SNTG1: variants seen among roughly 807,000 people sequenced by gnomAD.
SNTG1 encodes syntrophin gamma 1.
A neutral mutation model predicts 74.7 loss-of-function variants in SNTG1; 39 were observed. The observed-to-expected ratio is 0.52, with a 90% CI of 0.40 to 0.68. The LOEUF (loss-of-function observed/expected upper bound fraction) is 0.68, where lower values mean the gene tolerates loss of function less well. Among genes scored for constraint, SNTG1 ranks in the 30% least tolerant of loss-of-function variants. The pLI, the probability that SNTG1 is intolerant of heterozygous loss-of-function variation, is 0.00. For missense variants in SNTG1, 685 were observed against 609.5 expected, an observed-to-expected ratio of 1.12 and a Z score of -1.30; for synonymous variants, 254 against 217.1, an observed-to-expected ratio of 1.17 and a Z score of -1.49.
chr8:50,709,099 G>C (rs191836419), intron 17 of SNTG1, 121 bp downstream of exon 17: 2 of 761,758 alleles, frequency 2.6e-6, no homozygotes, highest in South Asian at 1.8e-5. Context: ...TAAGATCTTC[G>C]TTTTTGTTAA....
At chr8:49,923,356 A>G (rs1806726304) in intron 1 of SNTG1, among the ~76,000 whole-genome samples, 1 of 152,188 alleles carries the variant, frequency 6.6e-6, no homozygotes, top group African/African-American at 2.4e-5. Context: ...TAGGCCTAAT[A>G]GTAGAATAAT....
In SNTG1 at chr8:50,792,856, C is replaced by G; in HGVS notation, c.*27C>G. On this transcript the variant is annotated 3_prime_UTR_variant, in exon 19 of 19. Coordinates refer to ENST00000642720, the MANE Select transcript of SNTG1 (RefSeq NM_018967.5). ...ATACTGAACTCTTCATTGACACACC[C>G]CATGACTGTATAAGCAGGACACATT... The G allele has an allele frequency of 1.9e-6, 3 of 1,596,412 alleles. No individual in the cohort carries two copies. Among genetic ancestry groups the G allele is most frequent in the Non-Finnish European group, 2.6e-6 (3 of 1,170,758 alleles).
At chr8:50,303,891 T>A (rs937385298) in intron 2 of SNTG1, among the ~76,000 whole-genome samples, 2 of 152,116 alleles carry the variant, frequency 1.3e-5, no homozygotes, top group African/African-American at 4.8e-5. Flanking sequence ...TAAAAAAGAA[T>A]CATATTGAAT....
chr8:50,068,351 T>C (rs547313903), intron 1 of SNTG1, among the ~76,000 whole-genome samples: 1 of 152,290 alleles, frequency 6.6e-6, no homozygotes, highest in Admixed American at 6.5e-5. Flanking sequence ...GACTTGTACT[T>C]TCTTCTCTTC....
rs569281962 is a variant in SNTG1 at position 50,700,079 on chromosome 8, A to G, written c.1039-4521A>G. ...CTAGAACTTTTGTTCTTATCACCTT[A>G]TAACAGCTCCTGCATGTGTGTTAGA... On this transcript the variant is annotated intron_variant, in intron 15 of 18. Transcript: ENST00000642720. 2.6e-5 allele frequency among the ~76,000 whole-genome samples: 4 copies of G among 152,280 alleles called. No individual in the cohort carries two copies. In the South Asian group the frequency reaches 6.2e-4, roughly 24 times the overall value.
intron 11 of SNTG1, among the ~76,000 whole-genome samples, chr8:50,552,516 C>G (rs1176352019): frequency 6.6e-6 from 1 of 152,072 alleles, no homozygotes; most frequent in African/African-American, 2.4e-5. Context: ...CCTCTTGTTC[C>G]AAATCATCTT....
At chr8:50,266,063 T>TG (rs2087449666) in intron 2 of SNTG1, among the ~76,000 whole-genome samples, 1 of 151,844 alleles carries the variant, frequency 6.6e-6, no homozygotes, top group South Asian at 2.1e-4. Flanking sequence ...AGCTTTTTTT[T>TG]TTTGCAGGAA....
chr8:50,360,143 A>C (rs965908673), intron 2 of SNTG1, among the ~76,000 whole-genome samples: 1 of 152,096 alleles, frequency 6.6e-6, no homozygotes, highest in Non-Finnish European at 1.5e-5. Flanking sequence ...ATAGATCATC[A>C]TCACTACAAA....
intron 2 of SNTG1, among the ~76,000 whole-genome samples, chr8:50,178,560 T>A (rs1258651471): frequency 3.3e-5 from 5 of 152,178 alleles, no homozygotes; most frequent in Admixed American, 2.0e-4. Context: ...TGAAGCCTCT[T>A]CCTCAGGTCC....
chr8:50,138,346 G>A (rs1387163033), intron 1 of SNTG1, among the ~76,000 whole-genome samples: 2 of 152,140 alleles, frequency 1.3e-5, no homozygotes, highest in East Asian at 3.9e-4. Flanking sequence ...GCTGGACGTG[G>A]TGGCTCACAC....
At chr8:50,408,233 G>A (rs1195188337) in intron 4 of SNTG1, among the ~76,000 whole-genome samples, 2 of 152,018 alleles carry the variant, frequency 1.3e-5, no homozygotes, top group Non-Finnish European at 2.9e-5. Context: ...TTAACTTTGG[G>A]AAGCGACTAT....
rs181376576 is a variant in SNTG1 at position 50,583,054 on chromosome 8, A to G, written c.811-7825A>G. Among the ~76,000 whole-genome samples, 123 of 152,226 alleles carry G rather than the reference A, an allele frequency of 8.1e-4. 2 individuals carry two copies. In the East Asian group the frequency reaches 0.019, roughly 23 times the overall value. ...AAAATAAGAACTTAACACTACTTAG[A>G]TTTTGTTTCCTTTGTGTAGGTCACA... On this transcript the variant is annotated intron_variant, in intron 12 of 18. Transcript: ENST00000642720.
At chr8:50,089,896 C>G (rs578214197) in intron 1 of SNTG1, among the ~76,000 whole-genome samples, 2 of 152,174 alleles carry the variant, frequency 1.3e-5, no homozygotes, top group African/African-American at 4.8e-5. Context: ...ACCCAGCCAT[C>G]CCATTACTGG....
intron 15 of SNTG1, among the ~76,000 whole-genome samples, chr8:50,663,284 A>C (rs757909059): frequency 6.6e-6 from 1 of 152,140 alleles, no homozygotes; most frequent in Non-Finnish European, 1.5e-5. Context: ...GGCCTTAATA[A>C]AGCACATGAA....
chr8:50,140,976 G>A (rs903884115), intron 1 of SNTG1, among the ~76,000 whole-genome samples: 6 of 152,032 alleles, frequency 3.9e-5, no homozygotes, highest in Admixed American at 3.3e-4. Flanking sequence ...CCAAAGCAAC[G>A]GCTTTAACAT....
chr8:50,781,667 G>T (rs1031943801), intron 18 of SNTG1, among the ~76,000 whole-genome samples: 1 of 152,124 alleles, frequency 6.6e-6, no homozygotes, highest in Non-Finnish European at 1.5e-5. Context: ...CAATTTGCCA[G>T]TCTGTGTCTT....
chr8:50,512,808 G>A (rs1426369483), intron 9 of SNTG1, among the ~76,000 whole-genome samples: 1 of 152,018 alleles, frequency 6.6e-6, no homozygotes, highest in East Asian at 1.9e-4. Context: ...ATTTTAGTTA[G>A]CCATTCATCT....
intron 1 of SNTG1, among the ~76,000 whole-genome samples, chr8:49,992,565 A>G (rs1318994840): frequency 6.6e-6 from 1 of 152,176 alleles, no homozygotes; most frequent in Non-Finnish European, 1.5e-5. Flanking sequence ...AGGGAGCCTC[A>G]GCAACCTTGT....
chr8:50,485,957 G>A (rs1243408867), intron 8 of SNTG1, among the ~76,000 whole-genome samples: 1 of 150,938 alleles, frequency 6.6e-6, no homozygotes, highest in Admixed American at 6.6e-5. Flanking sequence ...TTTTTCTCAG[G>A]TTTGTCAAAG....
Sources: allele counts gnomAD v4.1 joint callset (sites outside exome capture counted in the v4.1 genomes callset), GRCh38; gene constraint gnomAD v4.1.1; transcripts MANE v1.5; gene names NCBI Gene and HGNC (gene_info 2026-07-23, HGNC 2026-07-21).